C1QTNF2: variants seen among roughly 807,000 people sequenced by gnomAD.
C1QTNF2 encodes the protein complement C1q tumor necrosis factor-related protein 2.
In C1QTNF2, 15 loss-of-function variants were observed where a neutral mutation model predicts 17.4. The observed-to-expected ratio is 0.86, with a 90% CI of 0.58 to 1.33. C1QTNF2 has a LOEUF of 1.33. C1QTNF2 is among the 40% of genes most tolerant of loss of function. The pLI, the probability that C1QTNF2 is intolerant of heterozygous loss-of-function variation, is 0.00. For synonymous variants in C1QTNF2, 154 were observed against 163.3 expected (o/e 0.94, Z 0.44); for missense variants, 381 against 392.3 (o/e 0.97, Z 0.24).
chr5:160,370,437 G>A, intron 1 of C1QTNF2, 75 bp downstream of exon 1: 2 of 1,355,648 alleles, frequency 1.5e-6, no homozygotes, highest in South Asian at 3.5e-5. Context: ...CCCGCCCGCA[G>A]CAGTGCGAGT....
chr5:160,359,925 C>G lies in C1QTNF2; in HGVS notation c.-9-4905G>C, dbSNP rs557554152. Among the ~76,000 whole-genome samples, 5 of 152,338 alleles carry G rather than the reference C, an allele frequency of 3.3e-5. No individual in the cohort carries two copies. In the East Asian group the frequency reaches 5.8e-4, roughly 18 times the overall value. On this transcript the variant is annotated intron_variant, in intron 1 of 2. Transcript: ENST00000652664. ...CCCAGCCTCAGCTCCTCCCTGGCTC[C>G]CTCGGCTCCTCTGGCCCAGCACCCA...
chr5:160,368,268 T>C (rs1367515922), intron 1 of C1QTNF2, among the ~76,000 whole-genome samples: 1 of 152,180 alleles, frequency 6.6e-6, no homozygotes, highest in Non-Finnish European at 1.5e-5. Context: ...GCGCGGTGGC[T>C]CATGCCTGTA....
At chr5:160,370,470 C>A (rs943494332) in intron 1 of C1QTNF2, 42 bp downstream of exon 1, 1 of 1,392,462 alleles carries the variant, frequency 7.2e-7, no homozygotes, top group Non-Finnish European at 9.3e-7. Context: ...CCTCCCCGCG[C>A]GCACTTGCCG....
chr5:160,359,750 G>C (rs1027097631), intron 1 of C1QTNF2, among the ~76,000 whole-genome samples: 1 of 152,310 alleles, frequency 6.6e-6, no homozygotes. Flanking sequence ...AGCCCCTCTG[G>C]TGTGTTAATG....
chr5:160,369,062 A>T (rs1185672528), intron 1 of C1QTNF2, among the ~76,000 whole-genome samples: 50 of 5,558 alleles, frequency 9.0e-3, no homozygotes, highest in East Asian at 0.015. Context: ...TTTGAGTTTA[A>T]AAAAAAAAAA....
chr5:160,365,957 AT>A (rs34284497), intron 1 of C1QTNF2, among the ~76,000 whole-genome samples: 61,063 of 151,996 alleles, frequency 0.4, 13,059 homozygotes, highest in Middle Eastern at 0.5. Flanking sequence ...TTTTTAAAAA[AT>A]TTTTTAATTT....
intron 1 of C1QTNF2, among the ~76,000 whole-genome samples, chr5:160,361,326 G>A (rs1300587980): frequency 6.6e-6 from 1 of 152,206 alleles, no homozygotes; most frequent in Non-Finnish European, 1.5e-5. Flanking sequence ...GGTGCCAAAA[G>A]TGGGGACGTG....
chr5:160,351,608 A>G (rs926070581), intron 2 of C1QTNF2, among the ~76,000 whole-genome samples: 8 of 152,226 alleles, frequency 5.3e-5, no homozygotes, highest in African/African-American at 1.9e-4. Context: ...ATTATTAAAT[A>G]CATATGTAAA....
intron 2 of C1QTNF2, among the ~76,000 whole-genome samples, chr5:160,350,019 C>G (rs1763888119): frequency 6.6e-6 from 1 of 152,206 alleles, no homozygotes; most frequent in Non-Finnish European, 1.5e-5. Context: ...TAACTTGTAA[C>G]AGTTCACACC....
chr5:160,359,452 T>C (rs1764111189), intron 1 of C1QTNF2, among the ~76,000 whole-genome samples: 1 of 152,206 alleles, frequency 6.6e-6, no homozygotes, highest in African/African-American at 2.4e-5. Context: ...TCTTATATTT[T>C]TCCCCCTAAA....
intron 2 of C1QTNF2, among the ~76,000 whole-genome samples, chr5:160,354,172 T>C (rs543027092): frequency 2.6e-4 from 40 of 152,158 alleles, no homozygotes; most frequent in Non-Finnish European, 5.3e-4. Flanking sequence ...TCACTTGCAA[T>C]TATCAAGAGT....
intron 2 of C1QTNF2, among the ~76,000 whole-genome samples, chr5:160,353,582 C>T (rs773524369): frequency 6.6e-6 from 1 of 152,038 alleles, no homozygotes; most frequent in African/African-American, 2.4e-5. Flanking sequence ...GTCCAGGATA[C>T]GCATGTGGCC....
chr5:160,365,912 A>G lies in C1QTNF2; in HGVS notation c.-10+4600T>C, dbSNP rs778529411. On this transcript the variant is annotated intron_variant, in intron 1 of 2. Coordinates refer to ENST00000652664, the MANE Select transcript of C1QTNF2 (RefSeq NM_031908.6). ...CATAACAGCACTGTCCTAACAGGTA[A>G]TCAGAAATATCTACCATTCTTCAGC... Among the ~76,000 whole-genome samples, 6 of 152,330 alleles carry G rather than the reference A, an allele frequency of 3.9e-5. No individual in the cohort carries two copies. The East Asian group carries it at 9.6e-4, about 24-fold the overall frequency.
rs1313301448 is a variant in C1QTNF2 at position 160,349,164 on chromosome 5, A to G, written c.*4T>C. On this transcript the variant is annotated 3_prime_UTR_variant, in exon 3 of 3. Transcript: ENST00000652664. This position sits in a 1 kb window ranked among gnomAD's most constrained non-coding sequence, Gnocchi z 4.3. Reference sequence around the variant, plus strand: ...TCCCTGCCTGGAGGACCGCCGTGGCATGTCTATACCTCGTTGGGGTCATCC... The same window carrying G: ...TCCCTGCCTGGAGGACCGCCGTGGCGTGTCTATACCTCGTTGGGGTCATCC... 2 of 1,604,008 alleles carry G rather than the reference A, an allele frequency of 1.2e-6. No individual in the cohort carries two copies. Among genetic ancestry groups the G allele is most frequent in the Non-Finnish European group, 1.7e-6 (2 of 1,173,124 alleles).
chr5:160,354,143 A>C (rs1318950002), intron 2 of C1QTNF2, among the ~76,000 whole-genome samples: 1 of 152,060 alleles, frequency 6.6e-6, no homozygotes, highest in Non-Finnish European at 1.5e-5. Flanking sequence ...TCCATTTGGG[A>C]CTATAAATTG....
At chr5:160,356,375 T>C (rs1764050963) in intron 1 of C1QTNF2, among the ~76,000 whole-genome samples, 1 of 152,228 alleles carries the variant, frequency 6.6e-6, no homozygotes, top group South Asian at 2.1e-4. Flanking sequence ...TCAGTGCGCA[T>C]CACACTCACC....
intron 1 of C1QTNF2, among the ~76,000 whole-genome samples, chr5:160,358,454 G>A (rs1397097026): frequency 6.9e-6 from 1 of 144,042 alleles, no homozygotes; most frequent in African/African-American, 2.5e-5. Context: ...ACTCTTCCAG[G>A]GCCTTTCTTT....
intron 1 of C1QTNF2, 113 bp from the exon 2 acceptor site, chr5:160,355,133 G>A (rs1697034657): frequency 7.0e-7 from 1 of 1,426,248 alleles, no homozygotes; most frequent in Non-Finnish European, 9.2e-7. Flanking sequence ...TTGGATTTCT[G>A]TCTCTTGCTC....
intron 1 of C1QTNF2, among the ~76,000 whole-genome samples, chr5:160,368,022 C>T (rs1764276531): frequency 6.6e-6 from 1 of 152,160 alleles, no homozygotes; most frequent in Non-Finnish European, 1.5e-5. Context: ...TTTCCTAGGT[C>T]AATGTTTGGG....
Sources: gnomAD v4.1 joint callset for allele counts (sites outside exome capture counted in the v4.1 genomes callset) on GRCh38, gnomAD v4.1.1 for gene constraint, Gnocchi (gnomAD v3.1) non-coding constraint, MANE v1.5 for transcripts, NCBI Gene and HGNC (gene_info 2026-07-23, HGNC 2026-07-21) for gene names.